Variants in DDX50 observed in about 807,000 individuals in gnomAD.
DDX50 encodes the protein DExD-box helicase 50, also known as ATP-dependent RNA helicase DDX50.
In DDX50, 56 loss-of-function variants were observed where a neutral mutation model predicts 94.8. That is an observed-to-expected ratio of 0.59 (90% CI 0.48 to 0.74). The LOEUF (loss-of-function observed/expected upper bound fraction) is 0.74. Among genes scored for constraint, DDX50 ranks in the 30% least tolerant of loss-of-function variants. The pLI, the probability that DDX50 is intolerant of heterozygous loss-of-function variation, is 0.00. For synonymous variants in DDX50, 264 were observed against 295.4 expected (o/e 0.89, Z 1.09); for missense variants, 713 against 881.2 (o/e 0.81, Z 2.42).
At chr10:68,912,836 C>A (rs1322017469) in intron 4 of DDX50, among the ~76,000 whole-genome samples, 1 of 152,126 alleles carries the variant, frequency 6.6e-6, no homozygotes, top group Non-Finnish European at 1.5e-5. Flanking sequence ...ATGGAGCTTA[C>A]ATTTTATTGG....
intron 8 of DDX50, among the ~76,000 whole-genome samples, chr10:68,922,937 G>A (rs946585027): frequency 4.0e-5 from 6 of 150,210 alleles, no homozygotes; most frequent in African/African-American, 1.2e-4. Flanking sequence ...GACTACAGGC[G>A]CATGCCACCA....
chr10:68,945,603 G>A (rs1184858388), intron 14 of DDX50, among the ~76,000 whole-genome samples: 5 of 152,100 alleles, frequency 3.3e-5, no homozygotes, highest in East Asian at 3.8e-4. Flanking sequence ...TACTGTGCCC[G>A]GCCAATAACA....
intron 4 of DDX50, 119 bp downstream of exon 4, chr10:68,911,365 C>A: frequency 9.1e-7 from 1 of 1,093,072 alleles, no homozygotes; most frequent in Non-Finnish European, 1.2e-6. Flanking sequence ...TGGCATAAAA[C>A]AAAAATATGT....
chr10:68,918,093 T>G (rs1490776805), intron 7 of DDX50, among the ~76,000 whole-genome samples: 1 of 151,958 alleles, frequency 6.6e-6, no homozygotes, highest in East Asian at 1.9e-4. Context: ...CCCAGCTAAT[T>G]TTTGTATTTT....
rs150922381 is a variant in DDX50 at position 68,925,094 on chromosome 10, GGT to G, written c.1239+5114_1239+5115del. ...ACAAGAATTATCCTTCCCTGCTCAT[GGT>G]TTTTTTTTTTTTTTTTTTTTTTTTG... On this transcript the variant is annotated intron_variant, in intron 8 of 14. Coordinates refer to ENST00000373585, the MANE Select transcript of DDX50 (RefSeq NM_024045.2). Among the ~76,000 whole-genome samples, 564 of 88,900 alleles carry G rather than the reference GGT, an allele frequency of 6.3e-3. 5 individuals are homozygous for G. The highest frequency in any genetic ancestry group is 0.011 in the African/African-American group (276 of 25,270). 58.3% of individuals were successfully genotyped at this position (88,900 alleles called of 152,430 possible). A position where few individuals can be genotyped will look rare whatever the true frequency, so the allele number is the denominator to read the frequency against.
At chr10:68,929,036 C>T (rs1007774438) in intron 8 of DDX50, among the ~76,000 whole-genome samples, 15 of 152,220 alleles carry the variant, frequency 9.9e-5, no homozygotes, top group Admixed American at 8.5e-4. Context: ...GCAACCACCA[C>T]CTCCTGGGTT....
In DDX50 at chr10:68,906,789, C is replaced by T; in HGVS notation, c.166C>T (p.Leu56=). The part of the protein sequence containing the change: ...ETRENGVTDD[L]DAPKAKKSKM... ...AAGAGAAAATGGTGTTACAGATGAC[C>T]TGGATGCTCCCAAGGCCAAAAAATC... Residue 56 remains leucine (L), a synonymous_variant, in exon 2 of 15, where the codon CTG becomes TTG. Transcript: ENST00000373585. 1 of 1,613,632 alleles carries T rather than the reference C, an allele frequency of 6.2e-7. No individual in the cohort carries two copies. Among genetic ancestry groups the T allele is most frequent in the South Asian group, 1.1e-5 (1 of 90,918 alleles).
At chr10:68,916,152 G>C (rs555074969) in intron 7 of DDX50, among the ~76,000 whole-genome samples, 2 of 152,102 alleles carry the variant, frequency 1.3e-5, no homozygotes, top group South Asian at 4.2e-4. Flanking sequence ...TCAGGAGTTC[G>C]AGACCAGCCT....
Position 68,946,805 on chromosome 10 carries a change from T to A in DDX50, c.*175T>A. On this transcript the variant is annotated 3_prime_UTR_variant, in exon 15 of 15. Coordinates refer to ENST00000373585, the MANE Select transcript of DDX50 (RefSeq NM_024045.2). Reference sequence around the variant, plus strand: ...AATGGAACAAATCTACTTATCCAGTTATACCTTTGAATAAAAAAACCTCCT... The same window carrying A: ...AATGGAACAAATCTACTTATCCAGTAATACCTTTGAATAAAAAAACCTCCT... 1.3e-6 allele frequency: 1 copy of A among 769,638 alleles called. No homozygotes were observed. Among genetic ancestry groups the A allele is most frequent in the Non-Finnish European group, 2.0e-6 (1 of 501,684 alleles). The allele number at this position is 769,638 out of a possible 1,614,324, so 47.7% of individuals were successfully genotyped here.
At chr10:68,920,446 G>A (rs1378621780) in intron 8 of DDX50, among the ~76,000 whole-genome samples, 3 of 152,010 alleles carry the variant, frequency 2.0e-5, no homozygotes, top group Non-Finnish European at 4.4e-5. Flanking sequence ...GATTACAGGT[G>A]TGAGCCATCA....
intron 7 of DDX50, among the ~76,000 whole-genome samples, chr10:68,918,697 G>A (rs567239621): frequency 6.6e-6 from 1 of 152,178 alleles, no homozygotes; most frequent in Non-Finnish European, 1.5e-5. Flanking sequence ...AAAGTGCTGG[G>A]ATTACAGGCG....
chr10:68,916,961 C>T (rs1406229502), intron 7 of DDX50, among the ~76,000 whole-genome samples: 2 of 152,188 alleles, frequency 1.3e-5, no homozygotes, highest in African/African-American at 2.4e-5. Context: ...GCTGGGGTTA[C>T]AGGCGTGAGC....
chr10:68,918,009 C>T (rs1454050018), intron 7 of DDX50, among the ~76,000 whole-genome samples: 1 of 152,078 alleles, frequency 6.6e-6, no homozygotes, highest in Non-Finnish European at 1.5e-5. Context: ...ACTGCAACCT[C>T]TGCCTCCGGG....
Position 68,946,574 on chromosome 10 carries a change from C to A in DDX50, c.2158C>A (p.Arg720=). The A allele has an allele frequency of 6.2e-7, 1 of 1,614,106 alleles. No individual in the cohort carries two copies. Among genetic ancestry groups the A allele is most frequent in the East Asian group, 2.2e-5 (1 of 44,878 alleles). The change falls in exon 15 of 15, where the codon CGA becomes AGA. Residue 720 remains arginine, a synonymous_variant. Transcript: ENST00000373585. ...RSGSRQDGRR[R]SGNRNRSRSG... ...AGGAAGTCGACAAGATGGTAGAAGACGAAGTGGGAATAGAAATCGATCAAG... is the reference window on the plus strand; with the variant it reads ...AGGAAGTCGACAAGATGGTAGAAGAAGAAGTGGGAATAGAAATCGATCAAG...
At chr10:68,944,651 A>G (rs1842625531) in intron 14 of DDX50, among the ~76,000 whole-genome samples, 1 of 151,964 alleles carries the variant, frequency 6.6e-6, no homozygotes, top group Admixed American at 6.6e-5. Context: ...GGTTCAAGCG[A>G]TTCTCCTCCC....
intron 10 of DDX50, among the ~76,000 whole-genome samples, chr10:68,935,203 T>G (rs1842375765): frequency 6.6e-6 from 1 of 152,254 alleles, no homozygotes; most frequent in South Asian, 2.1e-4. Context: ...TGTAAATGGG[T>G]GACTAAAAGA....
chr10:68,934,781 A>G lies in DDX50; in HGVS notation c.1402-18A>G, dbSNP rs751919136. ...ACTTGCTAGATTTTTAAAAAATATT[A>G]CCTTTTATAATCTTTAGGATGTTGA... On this transcript the variant is annotated intron_variant, in intron 9 of 14. Coordinates refer to ENST00000373585, the MANE Select transcript of DDX50 (RefSeq NM_024045.2). The surrounding 1 kb of genome is among the most constrained non-coding windows in gnomAD (Gnocchi z 4.0). 7 of 1,572,838 alleles carry G rather than the reference A, an allele frequency of 4.5e-6. No individual in the cohort carries two copies. In the South Asian group the frequency reaches 8.7e-5, roughly 19 times the overall value.
At chr10:68,919,791 T>C in intron 7 of DDX50, 41 bp from the exon 8 acceptor site, 5 of 1,599,158 alleles carry the variant, frequency 3.1e-6, no homozygotes, top group Non-Finnish European at 4.3e-6. Flanking sequence ...TTTAAAATAA[T>C]TTTAATGAAA....
At chr10:68,933,652 G>T (rs933368728) in intron 8 of DDX50, among the ~76,000 whole-genome samples, 5 of 151,766 alleles carry the variant, frequency 3.3e-5, no homozygotes, top group Non-Finnish European at 5.9e-5. Flanking sequence ...AAAAAAAAGT[G>T]GCCGGGTGTG....
Sources: allele counts gnomAD v4.1 joint callset (sites outside exome capture counted in the v4.1 genomes callset), GRCh38; gene constraint gnomAD v4.1.1; non-coding constraint Gnocchi (gnomAD v3.1); transcripts MANE v1.5; gene names NCBI Gene and HGNC (gene_info 2026-07-23, HGNC 2026-07-21).